The following MAEL variants were observed in gnomAD, a reference collection of about 807,000 sequenced individuals.
MAEL encodes protein maelstrom homolog.
A neutral mutation model predicts 62.0 loss-of-function variants in MAEL; 46 were observed. The observed-to-expected ratio is 0.74, with a 90% CI of 0.59 to 0.95. MAEL has a LOEUF of 0.95. Ranked by LOEUF, MAEL falls within the 40% of genes least tolerant of loss-of-function variation. The pLI is 0.00. For synonymous variants in MAEL, 172 were observed against 175.5 expected, an observed-to-expected ratio of 0.98 and a Z score of 0.16; for missense variants, 497 against 526.8, an observed-to-expected ratio of 0.94 and a Z score of 0.55.
chr1:167,017,902 T>C lies in MAEL; in HGVS notation c.984T>C (p.Tyr328=), dbSNP rs41270684. Residue 328 remains tyrosine, a synonymous_variant, in exon 10 of 12, where the codon TAT becomes TAC. Coordinates refer to ENST00000367872, the MANE Select transcript of MAEL (RefSeq NM_032858.3). ...LTEAHVPLQD[Y]EASNSVTPKM... ...AGGCTCATGTACCACTACAAGATTA[T>C]GAGGCCAGCAATAGTGTGACACCCA... 1,352 of 1,613,356 alleles carry C rather than the reference T, an allele frequency of 8.4e-4. No individual in the cohort carries two copies. Among genetic ancestry groups the C allele is most frequent in the Non-Finnish European group, 1.0e-3 (1,233 of 1,179,600 alleles).
intron 2 of MAEL, chr1:166,990,222 T>G (rs887424198): frequency 6.4e-6 from 1 of 155,434 alleles, no homozygotes; most frequent in African/African-American, 2.4e-5. Context: ...TTAAAACTAG[T>G]TTAGACCATT....
chr1:167,011,002 CT>C (rs898896868), intron 8 of MAEL, among the ~76,000 whole-genome samples: 7 of 148,770 alleles, frequency 4.7e-5, no homozygotes, highest in South Asian at 2.1e-4. Context: ...TCCCCCTTTG[CT>C]TTTTTTTTTC....
intron 8 of MAEL, 152 bp from the exon 9 acceptor site, chr1:167,016,070 A>G (rs2102126813): frequency 1.4e-6 from 1 of 694,110 alleles, no homozygotes; most frequent in Non-Finnish European, 2.6e-6. Flanking sequence ...GTAGCATTAA[A>G]ATCTGTTTTT....
chr1:167,012,759 A>T (rs942649775), intron 8 of MAEL, among the ~76,000 whole-genome samples: 9 of 152,160 alleles, frequency 5.9e-5, no homozygotes, highest in African/African-American at 2.2e-4. Flanking sequence ...AAAAAATGGT[A>T]AGAAGAGCAC....
At chr1:167,002,606 T>C (rs1488411079) in intron 5 of MAEL, among the ~76,000 whole-genome samples, 1 of 152,206 alleles carries the variant, frequency 6.6e-6, no homozygotes, top group Non-Finnish European at 1.5e-5. Context: ...CCCTAATGCA[T>C]TTTCATGGAT....
At chr1:166,990,109 A>G (rs1664102957) in intron 2 of MAEL, 2 of 224,538 alleles carry the variant, frequency 8.9e-6, no homozygotes, top group Non-Finnish European at 1.7e-5. Context: ...CGCTAATGGG[A>G]GTGTAACATC....
rs911581359 is a variant in MAEL, at chr1:166,989,361, C to T, written c.9C>T (p.Asn3=). 6.2e-7 allele frequency: 1 copy of T among 1,610,122 alleles called. No homozygotes were observed. The highest frequency in any genetic ancestry group is 1.3e-5 in the African/African-American group (1 of 74,892). ...AGTTTGACCGCGCTGCCATGCCGAA[C>T]CGTAAGGCCAGCCGGAATGCTTACT... MP[N]RKASRNAYYF... The change falls in exon 1 of 12, where the codon AAC becomes AAT. Residue 3 remains asparagine (N), a synonymous_variant. Coordinates refer to ENST00000367872, the MANE Select transcript of MAEL (RefSeq NM_032858.3).
chr1:167,006,045 G>C (rs1664881122), intron 8 of MAEL: 1 of 152,304 alleles, frequency 6.6e-6, no homozygotes. Flanking sequence ...ACTTAGATGA[G>C]AGACTGCCTG....
intron 1 of MAEL, among the ~76,000 whole-genome samples, chr1:166,979,940 G>A (rs1016692612): frequency 2.6e-5 from 4 of 152,192 alleles, no homozygotes; most frequent in African/African-American, 9.7e-5. Context: ...ATTTAAAAGG[G>A]ACAAAGGAAA....
intron 9 of MAEL, among the ~76,000 whole-genome samples, chr1:167,016,775 TA>T (rs1449599373): frequency 7.2e-5 from 11 of 152,122 alleles, no homozygotes; most frequent in Non-Finnish European, 1.2e-4. Flanking sequence ...ATGTGGTACT[TA>T]TACACAATAG....
At chr1:166,982,977 C>T (rs184805771) in intron 1 of MAEL, among the ~76,000 whole-genome samples, 18 of 152,320 alleles carry the variant, frequency 1.2e-4, no homozygotes, top group Admixed American at 7.8e-4. Context: ...TTCATTTCTT[C>T]ATATAGGGCC....
chr1:166,986,485 T>C (rs922575073), upstream of MAEL, among the ~76,000 whole-genome samples: 3 of 152,136 alleles, frequency 2.0e-5, no homozygotes, highest in African/African-American at 7.2e-5. Context: ...TGCTTGTCTG[T>C]TTGGGAAGAG....
chr1:167,000,614 A>G (rs1664621498), intron 5 of MAEL, among the ~76,000 whole-genome samples: 1 of 152,232 alleles, frequency 6.6e-6, no homozygotes, highest in Non-Finnish European at 1.5e-5. Context: ...AAGTTCTGTG[A>G]GTAAAATGTT....
At chr1:167,021,356 G>T (rs1665623275) in intron 11 of MAEL, among the ~76,000 whole-genome samples, 196 bp downstream of exon 11, 1 of 152,140 alleles carries the variant, frequency 6.6e-6, no homozygotes, top group Non-Finnish European at 1.5e-5. Context: ...TGGATACATT[G>T]TAACTTCTCA....
At chr1:166,990,130 A>G (rs1272119865) in intron 2 of MAEL, 2 of 150,126 alleles carry the variant, frequency 1.3e-5, no homozygotes, top group Non-Finnish European at 2.6e-5. Flanking sequence ...TAGGGGTTGT[A>G]CTAGATGACA....
intron 1 of MAEL, among the ~76,000 whole-genome samples, chr1:166,979,859 C>A (rs1363589929): frequency 6.6e-6 from 1 of 151,920 alleles, no homozygotes. Flanking sequence ...AAAGGTCCAT[C>A]CAAGGATAAT....
intron 8 of MAEL, among the ~76,000 whole-genome samples, chr1:167,006,600 A>ACT (rs1553237874): frequency 4.3e-5 from 2 of 45,998 alleles, no homozygotes; most frequent in African/African-American, 8.8e-5. Flanking sequence ...CTGGTTTTTT[A>ACT]CTATATATAT....
chr1:167,014,003 G>T (rs913335275), intron 8 of MAEL, among the ~76,000 whole-genome samples: 1 of 152,148 alleles, frequency 6.6e-6, no homozygotes, highest in African/African-American at 2.4e-5. Context: ...ATGTTCACAA[G>T]TCCAGAGCCT....
Position 166,999,267 on chromosome 1 carries a change from G to A in MAEL, c.524-4913G>A, listed in dbSNP as rs1664559366. ...AATGACCAAGTTGTGAATGCAAAGG[G>A]AATGTTCTTGAAGGAAATTTATGTA... On this transcript the variant is annotated intron_variant, in intron 5 of 11. Coordinates refer to ENST00000367872, the MANE Select transcript of MAEL (RefSeq NM_032858.3). Among the ~76,000 whole-genome samples the A allele has an allele frequency of 2.0e-5, 3 of 152,204 alleles. No individual in the cohort carries two copies. In the South Asian group the frequency reaches 6.2e-4, roughly 31 times the overall value.
Sources: gnomAD v4.1 joint callset for allele counts (sites outside exome capture counted in the v4.1 genomes callset) on GRCh38, gnomAD v4.1.1 for gene constraint, MANE v1.5 for transcripts, NCBI Gene and HGNC (gene_info 2026-07-23, HGNC 2026-07-21) for gene names.